Variants in COMMD7 observed in about 807,000 individuals in gnomAD.
COMMD7 encodes COMM domain-containing protein 7.
A neutral mutation model predicts 34.8 loss-of-function variants in COMMD7; 28 were observed. The observed-to-expected ratio is 0.80, with a 90% CI of 0.60 to 1.10. COMMD7 has a LOEUF of 1.10. COMMD7 is among the 50% of genes least tolerant of loss of function. The pLI, the probability that COMMD7 is intolerant of heterozygous loss-of-function variation, is 0.00. For missense variants in COMMD7, 211 were observed against 241.6 expected, an observed-to-expected ratio of 0.87 and a Z score of 0.84; for synonymous variants, 80 against 86.4, an observed-to-expected ratio of 0.93 and a Z score of 0.41.
chr20:32,742,573 G>C (rs1330223121), intron 1 of COMMD7: 1 of 152,156 alleles, frequency 6.6e-6, no homozygotes. Context: ...AGCCTGAAGG[G>C]GGAGAAAAAG....
At position 32,718,068 on chromosome 20, in the gene COMMD7, G is replaced by A. The variant is rs537844611; in HGVS notation, c.241+9825C>T. On this transcript the variant is annotated intron_variant, in intron 3 of 8. Coordinates refer to ENST00000278980, the MANE Select transcript of COMMD7 (RefSeq NM_053041.3). ...CGTGCCACTGCACTCGAGCCTCGGC[G>A]ACAGAGCGAGACTGCCTCTCAAAAA... Among the ~76,000 whole-genome samples, 21 of 147,768 alleles carry A rather than the reference G, an allele frequency of 1.4e-4. No homozygotes were observed. In the East Asian group the frequency reaches 4.1e-3, roughly 29 times the overall value.
intron 3 of COMMD7, among the ~76,000 whole-genome samples, chr20:32,721,950 A>G (rs1985186381): frequency 6.6e-6 from 1 of 151,140 alleles, no homozygotes; most frequent in African/African-American, 2.4e-5. Context: ...AGTCCCAGCT[A>G]TTTGGGAGGC....
intron 1 of COMMD7, 78 bp from the exon 2 acceptor site, chr20:32,728,220 G>C (rs1422580801): frequency 7.5e-7 from 1 of 1,341,804 alleles, no homozygotes; most frequent in East Asian, 2.3e-5. Context: ...CAACTGCATA[G>C]CCTTGAGAGG....
chr20:32,716,228 A>G (rs1040692749), intron 3 of COMMD7, among the ~76,000 whole-genome samples: 16 of 152,154 alleles, frequency 1.1e-4, no homozygotes, highest in Non-Finnish European at 2.9e-5. Flanking sequence ...TGATAATGGC[A>G]TTGTAGTTTG....
At chr20:32,733,909 T>A (rs1189450987) in intron 1 of COMMD7, among the ~76,000 whole-genome samples, 1 of 147,466 alleles carries the variant, frequency 6.8e-6, no homozygotes, top group Non-Finnish European at 1.5e-5. Context: ...CCGGGTGCGG[T>A]GGCTCACACC....
chr20:32,728,484 G>C (rs1390133916), intron 1 of COMMD7, among the ~76,000 whole-genome samples: 1 of 151,554 alleles, frequency 6.6e-6, no homozygotes, highest in African/African-American at 2.4e-5. Context: ...GCACAAGGGG[G>C]AAATCATCAG....
intron 1 of COMMD7, among the ~76,000 whole-genome samples, chr20:32,738,971 T>C (rs117573541): frequency 1.9e-4 from 29 of 152,244 alleles, no homozygotes; most frequent in Non-Finnish European, 4.0e-4. Context: ...CTACATGACT[T>C]TAAACAGGTC....
At chr20:32,735,127 A>G (rs1340588036) in intron 1 of COMMD7, among the ~76,000 whole-genome samples, 1 of 150,652 alleles carries the variant, frequency 6.6e-6, no homozygotes. Flanking sequence ...AATCCCAGCT[A>G]CTTGGGAGGC....
intron 8 of COMMD7, chr20:32,703,754 T>C: frequency 6.8e-7 from 1 of 1,473,854 alleles, no homozygotes; most frequent in Non-Finnish European, 8.9e-7. Flanking sequence ...AGCTTCTTGC[T>C]CGTCAACCTT....
At chr20:32,718,370 C>T (rs1984939849) in intron 3 of COMMD7, among the ~76,000 whole-genome samples, 1 of 151,142 alleles carries the variant, frequency 6.6e-6, no homozygotes, top group Admixed American at 6.6e-5. Flanking sequence ...CGCCACTGCA[C>T]TCCAGCCTGG....
At chr20:32,728,631 A>G (rs1017399984) in intron 1 of COMMD7, among the ~76,000 whole-genome samples, 13 of 152,080 alleles carry the variant, frequency 8.5e-5, no homozygotes, top group South Asian at 2.1e-4. Context: ...CAGTGATGCA[A>G]TCTCGGCTCA....
At chr20:32,711,407 A>AT (rs35551557) in intron 3 of COMMD7, among the ~76,000 whole-genome samples, 100,309 of 145,422 alleles carry the variant, frequency 0.69, 35,378 homozygotes, top group Middle Eastern at 0.81. Flanking sequence ...AAAAAAAAAA[A>AT]TGTTACTTAA....
At chr20:32,727,534 CAAAAAAAA>C (rs11480967) in intron 3 of COMMD7, among the ~76,000 whole-genome samples, 1 of 83,980 alleles carries the variant, frequency 1.2e-5, no homozygotes, top group African/African-American at 4.0e-5. Flanking sequence ...GATTCTGTCT[CAAAAAAAA>C]AAAAAAAAAA....
Position 32,715,148 on chromosome 20 carries a change from A to AC in COMMD7, c.242-8389dup, listed in dbSNP as rs544526617. 1.3e-3 allele frequency among the ~76,000 whole-genome samples: 204 copies of AC among 152,124 alleles called. 2 individuals carry two copies. Among genetic ancestry groups the AC allele is most frequent in the African/African-American group, 4.8e-3 (201 of 41,550 alleles). On this transcript the variant is annotated intron_variant, in intron 3 of 8. Coordinates refer to ENST00000278980, the MANE Select transcript of COMMD7 (RefSeq NM_053041.3). ...GTGCCACTGCACTCCAGCCTGGGCA[A>AC]CACAGCCAGACCTAGTCTCAAAAAA...
intron 3 of COMMD7, among the ~76,000 whole-genome samples, chr20:32,724,134 A>C (rs1600990672): frequency 1.0e-4 from 1 of 9,822 alleles, no homozygotes; most frequent in East Asian, 1.9e-3. Flanking sequence ...GCCATCCAGG[A>C]GGGAGGTGGG....
intron 3 of COMMD7, among the ~76,000 whole-genome samples, chr20:32,714,132 C>T (rs368669603): frequency 3.3e-5 from 5 of 151,684 alleles, no homozygotes; most frequent in Non-Finnish European, 7.4e-5. Context: ...AACAAAAAAA[C>T]CCCCAAAAAA....
intron 3 of COMMD7, among the ~76,000 whole-genome samples, chr20:32,721,519 C>T (rs766630012): frequency 5.9e-5 from 9 of 151,634 alleles, no homozygotes; most frequent in Non-Finnish European, 1.3e-4. Context: ...CTGAGGTGGG[C>T]GGATCACTTG....
chr20:32,720,271 G>A (rs1178909067), intron 3 of COMMD7, among the ~76,000 whole-genome samples: 6 of 152,138 alleles, frequency 3.9e-5, no homozygotes, highest in Admixed American at 3.3e-4. Flanking sequence ...GAGGTGGGCA[G>A]ATCAATTGAG....
intron 3 of COMMD7, among the ~76,000 whole-genome samples, chr20:32,712,099 ATCTC>A (rs1984483127): frequency 6.6e-6 from 1 of 151,040 alleles, no homozygotes; most frequent in South Asian, 2.1e-4. Context: ...ATGAAACCCC[ATCTC>A]TACTAAAAAT....
Sources: gnomAD v4.1 joint callset for allele counts (sites outside exome capture counted in the v4.1 genomes callset) on GRCh38, gnomAD v4.1.1 for gene constraint, MANE v1.5 for transcripts, NCBI Gene and HGNC (gene_info 2026-07-23, HGNC 2026-07-21) for gene names.